EPC2: variants seen among roughly 807,000 people sequenced by gnomAD.
EPC2 encodes the protein enhancer of polycomb homolog 2.
In EPC2, 14 loss-of-function variants were observed where a neutral mutation model predicts 92.1. The observed-to-expected ratio is 0.15, with a 90% CI of 0.10 to 0.24. The LOEUF is 0.24. Ranked by LOEUF, EPC2 falls within the 10% of genes least tolerant of loss-of-function variation. The probability of loss-of-function intolerance (pLI) is 1.00; values close to 1 mark genes in which losing one functional copy is unlikely to be tolerated. For missense variants in EPC2, 755 were observed against 971.5 expected (o/e 0.78, Z 2.96); for synonymous variants, 340 against 334.7 (o/e 1.02, Z -0.17).
At chr2:148,731,307 C>G (rs1371813576) in intron 2 of EPC2, among the ~76,000 whole-genome samples, 4 of 152,154 alleles carry the variant, frequency 2.6e-5, no homozygotes, top group Non-Finnish European at 5.9e-5. Context: ...TCAAAATAAT[C>G]GCCTTTAGAA....
At chr2:148,660,336 C>T (rs1028585009) in intron 1 of EPC2, among the ~76,000 whole-genome samples, 7 of 152,048 alleles carry the variant, frequency 4.6e-5, no homozygotes, top group East Asian at 1.9e-4. Flanking sequence ...GAGACATGGG[C>T]GTTGTAAGAG....
In EPC2 at chr2:148,765,519, A is replaced by G. The variant is rs189656334; in HGVS notation, c.1140+373A>G. 3.3e-3 allele frequency among the ~76,000 whole-genome samples: 507 copies of G among 152,288 alleles called. 1 individual carries two copies. The highest frequency in any genetic ancestry group is 0.012 in the African/African-American group (483 of 41,578). ...TAAATATTGAAAATATTCATCAACAATACTTTCCTTTTTACCACACTCCAC... is the reference window on the plus strand; with the variant it reads ...TAAATATTGAAAATATTCATCAACAGTACTTTCCTTTTTACCACACTCCAC... On this transcript the variant is annotated intron_variant, in intron 7 of 13. Transcript: ENST00000258484.
intron 4 of EPC2, among the ~76,000 whole-genome samples, chr2:148,756,716 T>C (rs1373108491): frequency 6.6e-6 from 1 of 152,226 alleles, no homozygotes; most frequent in African/African-American, 2.4e-5. Context: ...GATTCAACTC[T>C]TAGTGTCTGT....
intron 11 of EPC2, among the ~76,000 whole-genome samples, chr2:148,782,107 A>G (rs957578128): frequency 3.3e-5 from 5 of 152,172 alleles, no homozygotes; most frequent in Non-Finnish European, 5.9e-5. Context: ...TGAAAGATAA[A>G]ACTTTCCTAA....
At position 148,674,288 on chromosome 2, in the gene EPC2, C is replaced by A. The variant is rs538297454; in HGVS notation, c.154-15926C>A. ...GTGTGGTACTGCAGATTCTCTGGTGCTGCAGCAAGCCACTGAGTTCTTTTG... is the reference window on the plus strand; with the variant it reads ...GTGTGGTACTGCAGATTCTCTGGTGATGCAGCAAGCCACTGAGTTCTTTTG... On this transcript the variant is annotated intron_variant, in intron 1 of 13. Transcript: ENST00000258484. Among the ~76,000 whole-genome samples the A allele has an allele frequency of 1.1e-4, 17 of 152,322 alleles. No individual in the cohort carries two copies. The South Asian group carries it at 3.5e-3, about 32-fold the overall frequency.
At chr2:148,726,585 G>A (rs1049411281) in intron 2 of EPC2, among the ~76,000 whole-genome samples, 1 of 151,566 alleles carries the variant, frequency 6.6e-6, no homozygotes, top group African/African-American at 2.4e-5. Flanking sequence ...TTTGTATGCC[G>A]GCCATTTGTA....
intron 1 of EPC2, among the ~76,000 whole-genome samples, chr2:148,651,638 A>T (rs1485097537): frequency 6.6e-6 from 1 of 152,098 alleles, no homozygotes; most frequent in Non-Finnish European, 1.5e-5. Flanking sequence ...TCATGGATTA[A>T]CCCATTTATG....
In EPC2 at chr2:148,755,601, T is replaced by G. The variant is rs77537496; in HGVS notation, c.666+1468T>G. Among the ~76,000 whole-genome samples, 1,523 of 152,304 alleles carry G rather than the reference T, an allele frequency of 1.0e-2. 28 individuals carry two copies. Among genetic ancestry groups the G allele is most frequent in the East Asian group, 0.081 (420 of 5,184 alleles). ...TATGTTAGATACACAAGTACTTACC[T>G]TATGTTAGAGTTGCCTACAGTATTC... On this transcript the variant is annotated intron_variant, in intron 4 of 13. Coordinates refer to ENST00000258484, the MANE Select transcript of EPC2 (RefSeq NM_015630.4).
At chr2:148,689,923 CAG>C (rs1255425057) in intron 1 of EPC2, among the ~76,000 whole-genome samples, 2 of 152,068 alleles carry the variant, frequency 1.3e-5, no homozygotes, top group South Asian at 2.1e-4. Context: ...ATCTAGCAAA[CAG>C]ATTAATTTTT....
At chr2:148,695,336 G>A (rs1276787618) in intron 2 of EPC2, among the ~76,000 whole-genome samples, 1 of 152,324 alleles carries the variant, frequency 6.6e-6, no homozygotes. Flanking sequence ...GAAATGTACC[G>A]TTTGTGTCTG....
rs571821409 is a variant in EPC2 at position 148,707,777 on chromosome 2, A to G, written c.313+17404A>G. Among the ~76,000 whole-genome samples the G allele has an allele frequency of 4.6e-5, 7 of 152,350 alleles. No individual in the cohort carries two copies. In the South Asian group the frequency reaches 1.2e-3, roughly 27 times the overall value. ...GGTACATAACAAAATGAAGGCAGAA[A>G]TAAAGATGTTCTTTGAAACCAATGA... On this transcript the variant is annotated intron_variant, in intron 2 of 13. Coordinates refer to ENST00000258484, the MANE Select transcript of EPC2 (RefSeq NM_015630.4).
At chr2:148,694,658 A>G (rs1332116626) in intron 2 of EPC2, among the ~76,000 whole-genome samples, 1 of 152,210 alleles carries the variant, frequency 6.6e-6, no homozygotes, top group Non-Finnish European at 1.5e-5. Flanking sequence ...TTTCAATAGT[A>G]TCTTTATTTG....
At chr2:148,715,548 A>T (rs1297181309) in intron 2 of EPC2, among the ~76,000 whole-genome samples, 1 of 151,782 alleles carries the variant, frequency 6.6e-6, no homozygotes, top group Non-Finnish European at 1.5e-5. Context: ...ATGTGATCTT[A>T]TTTCTGGGTT....
At chr2:148,730,533 C>T (rs1259909181) in intron 2 of EPC2, among the ~76,000 whole-genome samples, 1 of 152,162 alleles carries the variant, frequency 6.6e-6, no homozygotes, top group Non-Finnish European at 1.5e-5. Flanking sequence ...TAACAAGCCC[C>T]ACCCCAAATC....
chr2:148,666,475 A>T (rs1016075147), intron 1 of EPC2, among the ~76,000 whole-genome samples: 1 of 152,250 alleles, frequency 6.6e-6, no homozygotes, highest in African/African-American at 2.4e-5. Context: ...TTTTTAATTT[A>T]TTGCATACCG....
At chr2:148,716,680 A>G (rs1682268538) in intron 2 of EPC2, among the ~76,000 whole-genome samples, 3 of 152,162 alleles carry the variant, frequency 2.0e-5, no homozygotes, top group African/African-American at 7.2e-5. Flanking sequence ...GAGGTTCACC[A>G]AAGATGTTGG....
chr2:148,705,555 A>G (rs538620052), intron 2 of EPC2, among the ~76,000 whole-genome samples: 66 of 152,324 alleles, frequency 4.3e-4, no homozygotes, highest in African/African-American at 1.5e-3. Context: ...TGTGCAGCCT[A>G]ACTTGGAGAC....
chr2:148,665,000 C>T (rs1681030823), intron 1 of EPC2, among the ~76,000 whole-genome samples: 1 of 152,136 alleles, frequency 6.6e-6, no homozygotes, highest in Admixed American at 6.5e-5. Context: ...TAAAAAGGAT[C>T]AAACCATTTT....
chr2:148,687,198 TCTCTG>T (rs1324472679), intron 1 of EPC2, among the ~76,000 whole-genome samples: 1 of 152,200 alleles, frequency 6.6e-6, no homozygotes, highest in Non-Finnish European at 1.5e-5. Context: ...CATGAGCCAA[TCTCTG>T]CCATCTTCTA....
Sources: gnomAD v4.1 joint callset for allele counts (sites outside exome capture counted in the v4.1 genomes callset) on GRCh38, gnomAD v4.1.1 for gene constraint, MANE v1.5 for transcripts, NCBI Gene and HGNC (gene_info 2026-07-23, HGNC 2026-07-21) for gene names.